Variants in ITPRID2 observed in about 807,000 individuals in gnomAD.
The protein encoded by ITPRID2 is protein ITPRID2.
A neutral mutation model predicts 124.3 loss-of-function variants in ITPRID2; 60 were observed. The ratio of observed to expected loss-of-function variants is 0.48; its 90% CI spans 0.39 to 0.60. The LOEUF (loss-of-function observed/expected upper bound fraction) is 0.60. ITPRID2 is among the 20% of genes least tolerant of loss of function. The pLI, the probability that ITPRID2 is intolerant of heterozygous loss-of-function variation, is 0.00. For synonymous variants in ITPRID2, 521 were observed against 542.9 expected, an observed-to-expected ratio of 0.96 and a Z score of 0.56; for missense variants, 1,553 against 1,512.2, an observed-to-expected ratio of 1.03 and a Z score of -0.45.
rs943577910 is a variant in ITPRID2 at position 181,919,897 on chromosome 2, C to T, written c.3144+451C>T. 1.3e-5 allele frequency among the ~76,000 whole-genome samples: 2 copies of T among 151,308 alleles called. No individual in the cohort carries two copies. The highest frequency in any genetic ancestry group is 3.9e-4 in the East Asian group (2 of 5,176). ...CTTTTCCATTTGTTTTTAAAGGAAT[C>T]AAATGATACCTGTATATTTTCATAC... On this transcript the variant is annotated intron_variant, in intron 14 of 17. Transcript: ENST00000431877. This position sits in a 1 kb window ranked among gnomAD's most constrained non-coding sequence, Gnocchi z 4.2.
intron 9 of ITPRID2, among the ~76,000 whole-genome samples, chr2:181,911,193 A>G (rs1330819796): frequency 6.6e-6 from 1 of 152,212 alleles, no homozygotes; most frequent in Non-Finnish European, 1.5e-5. Context: ...AAGAGAGAAC[A>G]ACATAGTTTT....
chr2:181,918,430 C>T, intron 11 of ITPRID2, 168 bp from the exon 12 acceptor site: 1 of 1,443,614 alleles, frequency 6.9e-7, no homozygotes, highest in Non-Finnish European at 9.1e-7. Flanking sequence ...TACTAGGTGT[C>T]ATTGGGAACT....
At chr2:181,924,472 T>C (rs1465552128) in intron 16 of ITPRID2, among the ~76,000 whole-genome samples, 1 of 152,228 alleles carries the variant, frequency 6.6e-6, no homozygotes, top group Non-Finnish European at 1.5e-5. Flanking sequence ...TCTGTCTTCC[T>C]AGCAGATCTG....
At chr2:181,917,922 T>A (rs1317441297) in intron 11 of ITPRID2, 1 of 152,334 alleles carries the variant, frequency 6.6e-6, no homozygotes, top group Non-Finnish European at 1.5e-5. Flanking sequence ...ACTGGGACTA[T>A]AAGCCACTTT....
intron 14 of ITPRID2, among the ~76,000 whole-genome samples, chr2:181,920,126 T>C (rs1574292053): frequency 6.6e-6 from 1 of 152,338 alleles, no homozygotes; most frequent in East Asian, 1.9e-4. Flanking sequence ...AAATAGTGAA[T>C]TATTCTTTGT....
chr2:181,901,722 A>G (rs1163534286), intron 7 of ITPRID2, 44 bp from the exon 8 acceptor site: 1 of 1,317,052 alleles, frequency 7.6e-7, no homozygotes, highest in Non-Finnish European at 1.0e-6. Context: ...GTGTATGTAT[A>G]TATATAAATA....
rs530555132 is a variant in ITPRID2 at position 181,905,822 on chromosome 2, A to G, written c.1413+3356A>G. 6.6e-5 allele frequency among the ~76,000 whole-genome samples: 10 copies of G among 152,316 alleles called. No homozygotes were observed. The South Asian group carries it at 1.7e-3, about 25-fold the overall frequency. ...ATGTTTATTGGTCTGAGTTAAAATA[A>G]TCCCACATCAGTCAGATATTTGACA... is the stretch of plus-strand genomic sequence containing the variant. On this transcript the variant is annotated intron_variant, in intron 8 of 17. Transcript: ENST00000431877. The surrounding 1 kb of genome is among the most constrained non-coding windows in gnomAD (Gnocchi z 4.1).
rs931329973 is a variant in ITPRID2, at chr2:181,910,447, G to C, written c.1486+476G>C. ...TAAATTCAAACTATGGGTCGAAGGT[G>C]AGTGGTTGTAGATACTGTTCCTCTC... On this transcript the variant is annotated intron_variant, in intron 9 of 17. Transcript: ENST00000431877. This position sits in a 1 kb window ranked among gnomAD's most constrained non-coding sequence, Gnocchi z 4.1. 8 of 540,394 alleles carry C rather than the reference G, an allele frequency of 1.5e-5. No individual in the cohort carries two copies. The highest frequency in any genetic ancestry group is 2.7e-5 in the Non-Finnish European group (8 of 301,594). 33.5% of individuals were successfully genotyped at this position (540,394 alleles called of 1,614,324 possible).
chr2:181,906,112 G>A (rs1693090041), intron 8 of ITPRID2, among the ~76,000 whole-genome samples: 1 of 152,182 alleles, frequency 6.6e-6, no homozygotes, highest in Admixed American at 6.5e-5. Context: ...ACATTTGCAA[G>A]TAATTTATAG....
At chr2:181,895,768 T>C (rs1157639080) in intron 2 of ITPRID2, among the ~76,000 whole-genome samples, 1 of 152,076 alleles carries the variant, frequency 6.6e-6, no homozygotes, top group Admixed American at 6.5e-5. Flanking sequence ...TCAAATCATT[T>C]GTCATTGCCA....
At chr2:181,903,741 A>G (rs928762202) in intron 8 of ITPRID2, among the ~76,000 whole-genome samples, 4 of 151,988 alleles carry the variant, frequency 2.6e-5, no homozygotes, top group African/African-American at 9.7e-5. Context: ...ACCTCCTGGT[A>G]TAATTTATTT....
intron 8 of ITPRID2, among the ~76,000 whole-genome samples, chr2:181,909,127 T>C (rs930227339): frequency 5.3e-5 from 8 of 152,116 alleles, no homozygotes; most frequent in Non-Finnish European, 1.0e-4. Flanking sequence ...AAAAGACAAC[T>C]AAGTTTGATA....
chr2:181,916,552 A>G, intron 11 of ITPRID2, 125 bp downstream of exon 11: 1 of 1,223,886 alleles, frequency 8.2e-7, no homozygotes, highest in Non-Finnish European at 1.1e-6. Context: ...ACATGTCTAA[A>G]CTTAATCTGC....
rs1420623362 is a variant in ITPRID2 at position 181,902,019 on chromosome 2, A to G, written c.966A>G (p.Glu322=). The change falls in exon 8 of 18, where the codon GAA becomes GAG. Residue 322 remains glutamate, a synonymous_variant. Coordinates refer to ENST00000431877, the MANE Select transcript of ITPRID2 (RefSeq NM_001130445.3). The surrounding 1 kb of genome is among the most constrained non-coding windows in gnomAD (Gnocchi z 4.4). ...GESSSPSPSA[E]KGKILNVSVI... is the part of the protein sequence containing the mutation. Reference sequence around the variant, plus strand: ...GTAGTAGTCCTTCTCCATCAGCTGAAAAAGGAAAGATTCTAAATGTTTCAG... The same window carrying G: ...GTAGTAGTCCTTCTCCATCAGCTGAGAAAGGAAAGATTCTAAATGTTTCAG... The G allele has an allele frequency of 6.2e-7, 1 of 1,613,872 alleles. No individual in the cohort carries two copies. Among genetic ancestry groups the G allele is most frequent in the Non-Finnish European group, 8.5e-7 (1 of 1,179,896 alleles).
chr2:181,903,512 G>GCTCC (rs757598554), intron 8 of ITPRID2, among the ~76,000 whole-genome samples: 6 of 151,662 alleles, frequency 4.0e-5, no homozygotes, highest in Admixed American at 1.3e-4. Context: ...TCTCTCTCTT[G>GCTCC]CTCCCTCCCT....
chr2:181,916,438 A>T lies in ITPRID2; in HGVS notation c.2787+11A>T. Reference sequence around the variant, plus strand: ...CAGAATCTTTCACAGGTATGAGAAAAAGTATGTTATCATTAGCTTTTTTCT... The same window carrying T: ...CAGAATCTTTCACAGGTATGAGAAATAGTATGTTATCATTAGCTTTTTTCT... On this transcript the variant is annotated intron_variant, in intron 11 of 17. Coordinates refer to ENST00000431877, the MANE Select transcript of ITPRID2 (RefSeq NM_001130445.3). 2 of 1,606,834 alleles carry T rather than the reference A, an allele frequency of 1.2e-6. No individual in the cohort carries two copies. Among genetic ancestry groups the T allele is most frequent in the Non-Finnish European group, 1.7e-6 (2 of 1,175,984 alleles).
chr2:181,913,605 G>A (rs941992553), intron 9 of ITPRID2, among the ~76,000 whole-genome samples: 4 of 152,050 alleles, frequency 2.6e-5, no homozygotes, highest in Non-Finnish European at 4.4e-5. Context: ...AGCGAATACC[G>A]AGAGATTCTA....
In ITPRID2 at chr2:181,902,454, C is replaced by A; in HGVS notation, c.1401C>A (p.Phe467Leu). ...RNIMTQQKDSFEMEEVQSTEG... is the reference protein window; with the variant it reads ...RNIMTQQKDSLEMEEVQSTEG... ...TAATGACACAGCAGAAGGACTCCTTCGAAATGGAAGAGGTAGGTAAAAAAT... is the reference window on the plus strand; with the variant it reads ...TAATGACACAGCAGAAGGACTCCTTAGAAATGGAAGAGGTAGGTAAAAAAT... The change falls in exon 8 of 18, where the codon TTC (phenylalanine) becomes TTA (leucine). Residue 467 changes from phenylalanine to leucine, a missense_variant. Phe to Leu is a conservative substitution (Grantham distance 22). Coordinates refer to ENST00000431877, the MANE Select transcript of ITPRID2 (RefSeq NM_001130445.3). The surrounding 1 kb of genome is among the most constrained non-coding windows in gnomAD (Gnocchi z 4.4). 1 of 1,548,212 alleles carries A rather than the reference C, an allele frequency of 6.5e-7. No homozygotes were observed. The highest frequency in any genetic ancestry group is 8.7e-7 in the Non-Finnish European group (1 of 1,147,492).
chr2:181,912,393 A>G (rs1376720793), intron 9 of ITPRID2, among the ~76,000 whole-genome samples: 1 of 152,244 alleles, frequency 6.6e-6, no homozygotes, highest in African/African-American at 2.4e-5. Flanking sequence ...CAGTTTCACA[A>G]GTATTCCAAT....
Sources: allele counts gnomAD v4.1 joint callset (sites outside exome capture counted in the v4.1 genomes callset), GRCh38; gene constraint gnomAD v4.1.1; non-coding constraint Gnocchi (gnomAD v3.1); transcripts MANE v1.5; gene names NCBI Gene and HGNC (gene_info 2026-07-23, HGNC 2026-07-21).